The following NRG3 variants were observed in gnomAD, a reference collection of about 807,000 sequenced individuals.
NRG3 encodes pro-neuregulin-3, membrane-bound isoform.
In NRG3, 31 loss-of-function variants were observed where a neutral mutation model predicts 66.9. That is an observed-to-expected ratio of 0.46 (90% CI 0.35 to 0.63). The LOEUF (loss-of-function observed/expected upper bound fraction) is 0.63. Among genes scored for constraint, NRG3 ranks in the 20% least tolerant of loss-of-function variants. The probability of loss-of-function intolerance (pLI) is 0.00; values close to 1 mark genes in which losing one functional copy is unlikely to be tolerated. For synonymous variants in NRG3, 393 were observed against 359.4 expected (o/e 1.09, Z -1.06); for missense variants, 910 against 878.9 (o/e 1.04, Z -0.45).
chr10:81,984,093 A>G (rs1364877859), intron 1 of NRG3, among the ~76,000 whole-genome samples: 1 of 152,202 alleles, frequency 6.6e-6, no homozygotes, highest in African/African-American at 2.4e-5. Context: ...AGCCACTAAA[A>G]AGCAGGGAAA....
At chr10:82,638,938 C>G (rs900441120) in intron 2 of NRG3, among the ~76,000 whole-genome samples, 2 of 152,162 alleles carry the variant, frequency 1.3e-5, no homozygotes, top group South Asian at 4.1e-4. Flanking sequence ...AGCCACTGTG[C>G]CCGGCCACAT....
chr10:82,166,465 A>C (rs1489550652), intron 1 of NRG3, among the ~76,000 whole-genome samples: 2 of 152,048 alleles, frequency 1.3e-5, no homozygotes, highest in African/African-American at 4.8e-5. Context: ...ATAATACTTC[A>C]TGTGTAGGAA....
In NRG3 at chr10:82,973,783, C is replaced by A; in HGVS notation, c.1285-5C>A. ...TCTCAACTCTGTACGTGTGATTTCC[C>A]ACAGTATTCAAAGGTGGAAAGGCAT... On this transcript the variant is annotated splice_polypyrimidine_tract_variant and splice_region_variant and intron_variant, in intron 6 of 8. Coordinates refer to ENST00000372141, the MANE Select transcript of NRG3 (RefSeq NM_001010848.4). The A allele has an allele frequency of 6.2e-7, 1 of 1,613,866 alleles. No individual in the cohort carries two copies. Among genetic ancestry groups the A allele is most frequent in the Non-Finnish European group, 8.5e-7 (1 of 1,179,828 alleles).
intron 2 of NRG3, among the ~76,000 whole-genome samples, chr10:82,449,556 A>G (rs544934975): frequency 3.3e-5 from 5 of 152,356 alleles, no homozygotes; most frequent in African/African-American, 1.2e-4. Context: ...CAGAGAACGA[A>G]TAACTTGAAG....
chr10:82,221,372 C>G (rs962553326), intron 1 of NRG3, among the ~76,000 whole-genome samples: 1 of 152,034 alleles, frequency 6.6e-6, no homozygotes, highest in African/African-American at 2.4e-5. Context: ...TATGTTTCAA[C>G]ATTTTTCAGA....
chr10:82,939,166 T>C (rs1592027414), intron 4 of NRG3, among the ~76,000 whole-genome samples: 1 of 152,164 alleles, frequency 6.6e-6, no homozygotes, highest in Admixed American at 6.5e-5. Context: ...CATTCACTTA[T>C]CTATAGTCAG....
intron 1 of NRG3, among the ~76,000 whole-genome samples, chr10:81,936,967 C>T (rs1847938303): frequency 6.6e-6 from 1 of 152,156 alleles, no homozygotes; most frequent in Admixed American, 6.5e-5. Flanking sequence ...AGAACTGAAC[C>T]TCAGTTCCCT....
Position 82,666,146 on chromosome 10 carries a change from C to T in NRG3, c.954-72431C>T, listed in dbSNP as rs796560407. Among the ~76,000 whole-genome samples, 4 of 152,130 alleles carry T rather than the reference C, an allele frequency of 2.6e-5. No homozygotes were observed. In the South Asian group the frequency reaches 8.3e-4, roughly 32 times the overall value. On this transcript the variant is annotated intron_variant, in intron 2 of 8. Coordinates refer to ENST00000372141, the MANE Select transcript of NRG3 (RefSeq NM_001010848.4). ...CAATGGCTACTACTTCTTTACAGATCCATTTGCAAGCTGAGCCTTTTCTTC... is the reference window on the plus strand; with the variant it reads ...CAATGGCTACTACTTCTTTACAGATTCATTTGCAAGCTGAGCCTTTTCTTC...
intron 3 of NRG3, among the ~76,000 whole-genome samples, chr10:82,760,799 T>G (rs1161897296): frequency 6.6e-6 from 1 of 152,022 alleles, no homozygotes; most frequent in Non-Finnish European, 1.5e-5. Flanking sequence ...TTTAACAGAT[T>G]TTTTAATAAG....
At chr10:82,217,175 A>G (rs1254540763) in intron 1 of NRG3, among the ~76,000 whole-genome samples, 1 of 152,112 alleles carries the variant, frequency 6.6e-6, no homozygotes, top group African/African-American at 2.4e-5. Context: ...AGCAGCTTTT[A>G]CTCCATGTGA....
At chr10:82,387,692 G>A (rs759434793) in intron 2 of NRG3, among the ~76,000 whole-genome samples, 16 of 152,158 alleles carry the variant, frequency 1.1e-4, no homozygotes, top group Non-Finnish European at 2.1e-4. Context: ...AGAATTGGCT[G>A]TCCATCAACT....
At chr10:82,936,525 A>G (rs11596373) in intron 4 of NRG3, among the ~76,000 whole-genome samples, 1,720 of 152,288 alleles carry the variant, frequency 0.011, 10 homozygotes, top group Non-Finnish European at 0.019. Flanking sequence ...GAATAAGTTC[A>G]AGAGACCTAT....
intron 1 of NRG3, among the ~76,000 whole-genome samples, chr10:82,204,340 C>T (rs905801488): frequency 2.6e-5 from 4 of 152,342 alleles, no homozygotes; most frequent in South Asian, 2.1e-4. Context: ...CATTGACTCT[C>T]TCCCATTCTT....
chr10:82,729,093 A>G (rs572270000), intron 2 of NRG3, among the ~76,000 whole-genome samples: 4 of 152,316 alleles, frequency 2.6e-5, no homozygotes, highest in Admixed American at 6.5e-5. Context: ...GAGGTTAATC[A>G]CAGGCCTCCA....
intron 2 of NRG3, among the ~76,000 whole-genome samples, chr10:82,468,299 C>A (rs2132029955): frequency 6.6e-6 from 1 of 151,950 alleles, no homozygotes; most frequent in East Asian, 1.9e-4. Flanking sequence ...GCGCCTATGG[C>A]AGGAGGTTTA....
chr10:82,729,314 C>G (rs1032462012), intron 2 of NRG3, among the ~76,000 whole-genome samples: 1 of 152,224 alleles, frequency 6.6e-6, no homozygotes, highest in Non-Finnish European at 1.5e-5. Context: ...GTTACCCCCT[C>G]TAAACCTTTT....
At chr10:82,693,527 C>T (rs1365141351) in intron 2 of NRG3, among the ~76,000 whole-genome samples, 2 of 152,180 alleles carry the variant, frequency 1.3e-5, no homozygotes, top group African/African-American at 4.8e-5. Flanking sequence ...GTGTGAGTTA[C>T]TAAATCACTC....
At chr10:82,768,559 G>A (rs1352273213) in intron 3 of NRG3, among the ~76,000 whole-genome samples, 1 of 151,974 alleles carries the variant, frequency 6.6e-6, no homozygotes, top group Non-Finnish European at 1.5e-5. Flanking sequence ...AACCCACCTA[G>A]CACCAAGTAA....
chr10:82,264,548 C>T (rs1221699516), intron 1 of NRG3, among the ~76,000 whole-genome samples: 4 of 152,094 alleles, frequency 2.6e-5, no homozygotes, highest in Non-Finnish European at 5.9e-5. Flanking sequence ...TTATTTAAAC[C>T]CACAGACTGG....
Sources: allele counts gnomAD v4.1 joint callset (sites outside exome capture counted in the v4.1 genomes callset), GRCh38; gene constraint gnomAD v4.1.1; transcripts MANE v1.5; gene names NCBI Gene and HGNC (gene_info 2026-07-23, HGNC 2026-07-21).